Variants in MYRIP observed in about 807,000 individuals in gnomAD.
MYRIP encodes rab effector MyRIP.
Under a neutral mutation model 98.0 loss-of-function variants are expected in MYRIP, and 49 were observed. That is an observed-to-expected ratio of 0.50 (90% confidence interval 0.40 to 0.63). The LOEUF (loss-of-function observed/expected upper bound fraction) is 0.63. Ranked by LOEUF, MYRIP falls within the 30% of genes least tolerant of loss-of-function variation. MYRIP has a pLI of 0.00. For synonymous variants in MYRIP, 404 were observed against 409.5 expected (o/e 0.99, Z 0.16); for missense variants, 1,004 against 1,058.2 (o/e 0.95, Z 0.71).
At chr3:40,175,033 C>T (rs1304929929) in intron 8 of MYRIP, among the ~76,000 whole-genome samples, 3 of 152,192 alleles carry the variant, frequency 2.0e-5, no homozygotes, top group African/African-American at 7.2e-5. Context: ...GTCCCAGCTA[C>T]TGGAGGCTGA....
intron 2 of MYRIP, among the ~76,000 whole-genome samples, chr3:40,026,986 A>G (rs1387548974): frequency 6.6e-6 from 1 of 151,762 alleles, no homozygotes; most frequent in Non-Finnish European, 1.5e-5. Flanking sequence ...CCATTCCCCT[A>G]TGTGTAAAGA....
intron 3 of MYRIP, chr3:40,100,219 A>T: frequency 1.0e-6 from 1 of 985,456 alleles, no homozygotes; most frequent in Non-Finnish European, 1.2e-6. Flanking sequence ...TTTGAGTAGA[A>T]GAGCTTGGCA....
intron 2 of MYRIP, among the ~76,000 whole-genome samples, chr3:39,929,150 T>C (rs1944486878): frequency 6.6e-6 from 1 of 152,002 alleles, no homozygotes; most frequent in Non-Finnish European, 1.5e-5. Context: ...AAATATGATA[T>C]TGTTTAGAGT....
chr3:39,811,567 C>A (rs1291270598), intron 1 of MYRIP, among the ~76,000 whole-genome samples: 1 of 152,042 alleles, frequency 6.6e-6, no homozygotes, highest in Non-Finnish European at 1.5e-5. Flanking sequence ...CCATGGGCAG[C>A]TGCGTCTCTC....
chr3:40,252,850 ACC>A (rs1953421165), intron 16 of MYRIP, among the ~76,000 whole-genome samples: 1 of 151,758 alleles, frequency 6.6e-6, no homozygotes, highest in African/African-American at 2.4e-5. Flanking sequence ...AGCTCTTTAG[ACC>A]CTAGGAAACA....
At chr3:40,166,756 G>T (rs10460959) in intron 5 of MYRIP, 90 bp from the exon 6 acceptor site, 236,862 of 871,674 alleles carry the variant, frequency 0.27, 34,424 homozygotes, top group South Asian at 0.42. Context: ...TTATCCCAGA[G>T]CCCCTGAAGA....
chr3:39,924,043 A>C (rs1025185090), intron 2 of MYRIP, among the ~76,000 whole-genome samples: 3 of 152,116 alleles, frequency 2.0e-5, no homozygotes, highest in South Asian at 2.1e-4. Context: ...AAAATGTTCA[A>C]GTAATCTACA....
intron 1 of MYRIP, among the ~76,000 whole-genome samples, chr3:39,836,790 C>A (rs1179823303): frequency 6.6e-6 from 1 of 152,196 alleles, no homozygotes; most frequent in Non-Finnish European, 1.5e-5. Context: ...TGAGTAAACA[C>A]ACTTGTGGAT....
intron 2 of MYRIP, among the ~76,000 whole-genome samples, chr3:39,990,480 A>G (rs1946147441): frequency 6.6e-6 from 1 of 152,198 alleles, no homozygotes; most frequent in Admixed American, 6.5e-5. Context: ...CTGAACAATA[A>G]AGATAGCTCA....
chr3:40,180,241 C>A (rs999861143), intron 8 of MYRIP, among the ~76,000 whole-genome samples: 1 of 151,552 alleles, frequency 6.6e-6, no homozygotes, highest in African/African-American at 2.4e-5. Flanking sequence ...CTTTTTATTT[C>A]TTTCTCTTAC....
At chr3:40,032,421 T>G (rs964060398) in intron 2 of MYRIP, among the ~76,000 whole-genome samples, 2 of 152,152 alleles carry the variant, frequency 1.3e-5, no homozygotes, top group Admixed American at 1.3e-4. Context: ...TCTTTTACAT[T>G]TGCTGAGGAG....
intron 1 of MYRIP, among the ~76,000 whole-genome samples, chr3:39,828,466 T>A (rs1941339307): frequency 6.7e-6 from 1 of 149,248 alleles, no homozygotes; most frequent in Non-Finnish European, 1.5e-5. Context: ...TCTGGCAATT[T>A]ATATATATAT....
intron 8 of MYRIP, 148 bp downstream of exon 8, chr3:40,170,241 A>G: frequency 9.9e-7 from 1 of 1,009,740 alleles, no homozygotes; most frequent in Non-Finnish European, 1.4e-6. Context: ...AGTGAGTGTG[A>G]GTCGGGGGCC....
chr3:40,059,133 T>C (rs1262631065), intron 3 of MYRIP, among the ~76,000 whole-genome samples: 4 of 152,230 alleles, frequency 2.6e-5, no homozygotes, highest in African/African-American at 7.2e-5. Flanking sequence ...TGTGGCTGCA[T>C]AGTATTCTGT....
chr3:40,251,931 A>G lies in MYRIP; in HGVS notation c.2479A>G (p.Asn827Asp). Residue 827 changes from asparagine (N) to aspartate (D), a missense_variant, in exon 16 of 17, where the codon AAC (asparagine) becomes GAC (aspartate). Transcript: ENST00000302541. ...SVTTIKTFNH[N>D]FILQGSSTNR... The stretch of plus-strand genomic sequence containing the variant: ...GACTACCATTAAAACATTTAACCAC[A>G]ACTTCATTCTCCAAGGCTCCTCAAC... The G allele has an allele frequency of 6.2e-7, 1 of 1,613,910 alleles. No individual in the cohort carries two copies. Among genetic ancestry groups the G allele is most frequent in the Non-Finnish European group, 8.5e-7 (1 of 1,179,832 alleles).
intron 2 of MYRIP, among the ~76,000 whole-genome samples, chr3:39,944,891 C>T (rs1944864512): frequency 6.6e-6 from 1 of 152,036 alleles, no homozygotes; most frequent in South Asian, 2.1e-4. Context: ...CTGTCTATCA[C>T]TATATGACTC....
intron 3 of MYRIP, among the ~76,000 whole-genome samples, chr3:40,068,275 T>G (rs1948161373): frequency 6.6e-6 from 1 of 152,244 alleles, no homozygotes; most frequent in African/African-American, 2.4e-5. Context: ...AAATATCACT[T>G]TCAGCACAAA....
intron 3 of MYRIP, among the ~76,000 whole-genome samples, chr3:40,099,383 C>T (rs1948896529): frequency 6.6e-6 from 1 of 152,118 alleles, no homozygotes; most frequent in Non-Finnish European, 1.5e-5. Context: ...AGCATGATGT[C>T]TTTAGGTCCT....
At chr3:40,142,467 C>T (rs907963415) in intron 3 of MYRIP, among the ~76,000 whole-genome samples, 2 of 152,000 alleles carry the variant, frequency 1.3e-5, no homozygotes, top group Non-Finnish European at 2.9e-5. Context: ...TCAGAGGTAA[C>T]TTGGAAATTT....
Sources: allele counts gnomAD v4.1 joint callset (sites outside exome capture counted in the v4.1 genomes callset), GRCh38; gene constraint gnomAD v4.1.1; transcripts MANE v1.5; gene names NCBI Gene and HGNC (gene_info 2026-07-23, HGNC 2026-07-21).